MGAT4C: variants seen among roughly 807,000 people sequenced by gnomAD.
MGAT4C encodes the protein MGAT4 family member C, also known as alpha-1,3-mannosyl-glycoprotein 4-beta-N-acetylglucosaminyltransferase C.
MGAT4C carries 19 observed loss-of-function variants against 40.1 expected under a neutral mutation model. The observed-to-expected ratio is 0.47, with a 90% confidence interval of 0.33 to 0.70. The LOEUF is 0.70. Among genes scored for constraint, MGAT4C ranks in the 30% least tolerant of loss-of-function variants. MGAT4C has a pLI of 0.02. For synonymous variants in MGAT4C, 181 were observed against 187.1 expected (o/e 0.97, Z 0.27); for missense variants, 491 against 563.2 (o/e 0.87, Z 1.30).
chr12:86,612,778 G>T (rs77304792), intron 2 of MGAT4C, among the ~76,000 whole-genome samples: 6 of 146,262 alleles, frequency 4.1e-5, no homozygotes, highest in African/African-American at 1.5e-4. Context: ...GTTACATACC[G>T]CCCCTGCACC....
intron 2 of MGAT4C, among the ~76,000 whole-genome samples, chr12:86,028,383 C>T (rs569662320): frequency 6.6e-6 from 1 of 152,000 alleles, no homozygotes; most frequent in South Asian, 2.1e-4. Flanking sequence ...GCTGATTTCT[C>T]TCCTATAGGT....
At chr12:85,984,417 C>T (rs529323802) in intron 3 of MGAT4C, among the ~76,000 whole-genome samples, 2 of 151,838 alleles carry the variant, frequency 1.3e-5, no homozygotes, top group East Asian at 1.9e-4. Flanking sequence ...ATGTAATGCC[C>T]GATCCTTTTA....
At chr12:86,799,080 A>C (rs1044324097) in intron 1 of MGAT4C, among the ~76,000 whole-genome samples, 4 of 151,844 alleles carry the variant, frequency 2.6e-5, no homozygotes, top group African/African-American at 9.7e-5. Context: ...GAAATTCAGC[A>C]TACAAAAATC....
At chr12:86,810,556 T>A (rs1952452782) in intron 1 of MGAT4C, among the ~76,000 whole-genome samples, 1 of 152,000 alleles carries the variant, frequency 6.6e-6, no homozygotes, top group Admixed American at 6.6e-5. Flanking sequence ...TATTGGATTT[T>A]GTTAAATGCT....
intron 4 of MGAT4C, among the ~76,000 whole-genome samples, chr12:86,292,694 C>A (rs1187175057): frequency 6.6e-6 from 1 of 152,104 alleles, no homozygotes; most frequent in African/African-American, 2.4e-5. Flanking sequence ...TTCTATTTGA[C>A]CTTAATTGGT....
At chr12:86,650,003 G>C (rs1963651665) in intron 2 of MGAT4C, among the ~76,000 whole-genome samples, 1 of 151,862 alleles carries the variant, frequency 6.6e-6, no homozygotes, top group African/African-American at 2.4e-5. Flanking sequence ...ATTGAAAAAA[G>C]TCAAGGTTTG....
chr12:86,506,935 T>G (rs1201475724), intron 2 of MGAT4C, among the ~76,000 whole-genome samples: 2 of 152,172 alleles, frequency 1.3e-5, no homozygotes, highest in East Asian at 1.9e-4. Flanking sequence ...AAGCTTTACT[T>G]AGAGATTTTA....
chr12:86,710,337 A>G (rs1471493653), intron 2 of MGAT4C, among the ~76,000 whole-genome samples: 1 of 152,192 alleles, frequency 6.6e-6, no homozygotes, highest in Non-Finnish European at 1.5e-5. Flanking sequence ...AAAGTTATTC[A>G]TCATTGTCTC....
chr12:86,814,628 G>A (rs1385781882), intron 1 of MGAT4C, among the ~76,000 whole-genome samples: 1 of 151,854 alleles, frequency 6.6e-6, no homozygotes, highest in Non-Finnish European at 1.5e-5. Context: ...TGGTCTGAAT[G>A]TTTGTATTAC....
intron 3 of MGAT4C, among the ~76,000 whole-genome samples, chr12:86,392,193 C>T (rs947166450): frequency 1.3e-5 from 2 of 152,004 alleles, no homozygotes; most frequent in Non-Finnish European, 2.9e-5. Flanking sequence ...TAATGTCGGC[C>T]AGATGCAGTG....
chr12:86,365,944 T>C (rs1955584425), intron 3 of MGAT4C, among the ~76,000 whole-genome samples: 1 of 152,218 alleles, frequency 6.6e-6, no homozygotes, highest in Non-Finnish European at 1.5e-5. Context: ...GGTATTTTGA[T>C]AGGGATAACA....
At chr12:86,388,619 A>C (rs1956103463) in intron 3 of MGAT4C, among the ~76,000 whole-genome samples, 2 of 151,496 alleles carry the variant, frequency 1.3e-5, no homozygotes, top group Non-Finnish European at 2.9e-5. Context: ...AGATATTCCC[A>C]CTGAAGCAAA....
intron 2 of MGAT4C, among the ~76,000 whole-genome samples, chr12:86,037,452 CT>C (rs1347447814): frequency 6.7e-6 from 1 of 150,164 alleles, no homozygotes; most frequent in African/African-American, 2.4e-5. Context: ...CCTCTACACA[CT>C]GCTTTAAATG....
At position 85,967,330 on chromosome 12, in the gene MGAT4C, A is replaced by G. The variant is rs1052575500; in HGVS notation, c.*11959T>C. 3 of 152,142 alleles carry G rather than the reference A, an allele frequency of 2.0e-5. No homozygotes were observed. Among genetic ancestry groups the G allele is most frequent in the African/African-American group, 7.2e-5 (3 of 41,448 alleles). The allele number at this position is 152,142 out of a possible 1,614,324, so 9.4% of individuals were successfully genotyped here. On this transcript the variant is annotated 3_prime_UTR_variant, in exon 5 of 5. Coordinates refer to ENST00000611864, the MANE Select transcript of MGAT4C (RefSeq NM_001351288.2). ...AAAAATGTTACTTTTTGTATTAATC[A>G]GTGGAATGTTTAAAGAAAAAACTGG... is the stretch of plus-strand genomic sequence containing the variant.
intron 2 of MGAT4C, among the ~76,000 whole-genome samples, chr12:86,586,602 T>C (rs1447926390): frequency 8.3e-6 from 1 of 120,150 alleles, no homozygotes; most frequent in African/African-American, 2.9e-5. Flanking sequence ...CCACATCCTC[T>C]CCAGCACCTG....
chr12:86,094,439 T>TATGTTATA (rs1297620925), intron 1 of MGAT4C, among the ~76,000 whole-genome samples: 3 of 152,178 alleles, frequency 2.0e-5, no homozygotes, highest in African/African-American at 7.2e-5. Flanking sequence ...ATGCCATGTA[T>TATGTTATA]ATGTTATAAT....
chr12:86,632,893 A>T (rs1403278779), intron 2 of MGAT4C, among the ~76,000 whole-genome samples: 7 of 152,182 alleles, frequency 4.6e-5, no homozygotes, highest in African/African-American at 1.7e-4. Context: ...GTACACTAGA[A>T]TTTAAAGTAT....
At chr12:86,605,220 C>A (rs2136466563) in intron 2 of MGAT4C, among the ~76,000 whole-genome samples, 1 of 152,108 alleles carries the variant, frequency 6.6e-6, no homozygotes, top group East Asian at 1.9e-4. Context: ...TATAAAGGTA[C>A]TTTTCAAGAA....
intron 1 of MGAT4C, among the ~76,000 whole-genome samples, chr12:86,078,134 A>T (rs1052731231): frequency 6.6e-6 from 1 of 152,178 alleles, no homozygotes; most frequent in African/African-American, 2.4e-5. Flanking sequence ...CTGGACCCAT[A>T]AATCATGGCT....
Sources: gnomAD v4.1 joint callset for allele counts (sites outside exome capture counted in the v4.1 genomes callset) on GRCh38, gnomAD v4.1.1 for gene constraint, MANE v1.5 for transcripts, NCBI Gene and HGNC (gene_info 2026-07-23, HGNC 2026-07-21) for gene names.